MAGI2: variants seen among roughly 807,000 people sequenced by gnomAD.
MAGI2 encodes the protein membrane associated guanylate kinase, WW and PDZ domain containing 2.
MAGI2 carries 35 observed loss-of-function variants against 133.3 expected under a neutral mutation model. The observed-to-expected ratio is 0.26, with a 90% CI of 0.20 to 0.35. The LOEUF (loss-of-function observed/expected upper bound fraction) is 0.35. Ranked by LOEUF, MAGI2 falls within the 10% of genes least tolerant of loss-of-function variation. The pLI is 1.00. For synonymous variants in MAGI2, 729 were observed against 710.6 expected, an observed-to-expected ratio of 1.03 and a Z score of -0.41; for missense variants, 1,636 against 1,863.4, an observed-to-expected ratio of 0.88 and a Z score of 2.25.
Position 79,268,599 on chromosome 7 carries a change from A to T in MAGI2, c.301+184421T>A, listed in dbSNP as rs150074746. ...TGATTTTTAATTTGGGATTTTTTAA[A>T]GTTTTAAATAGAAACCGCAGACTGA... On this transcript the variant is annotated intron_variant, in intron 1 of 21. Transcript: ENST00000354212. Among the ~76,000 whole-genome samples the T allele has an allele frequency of 1.2e-3, 185 of 152,342 alleles. 1 individual carries two copies. The highest frequency in any genetic ancestry group is 4.4e-3 in the African/African-American group (184 of 41,578).
At chr7:79,343,074 C>T (rs73156041) in intron 1 of MAGI2, among the ~76,000 whole-genome samples, 22,737 of 152,008 alleles carry the variant, frequency 0.15, 1,793 homozygotes, top group South Asian at 0.26. Flanking sequence ...TGAGGAAGCA[C>T]ATTTTTACAT....
At chr7:79,232,429 C>G (rs1302535048) in intron 1 of MAGI2, among the ~76,000 whole-genome samples, 1 of 145,168 alleles carries the variant, frequency 6.9e-6, no homozygotes, top group African/African-American at 2.6e-5. Flanking sequence ...GTCCTGGACT[C>G]TTTTTGGTTG....
chr7:78,414,625 C>T (rs1417911188), intron 6 of MAGI2, among the ~76,000 whole-genome samples: 1 of 151,978 alleles, frequency 6.6e-6, no homozygotes, highest in Non-Finnish European at 1.5e-5. Flanking sequence ...CTGTTGTACA[C>T]ATACATGAGC....
At chr7:78,689,682 C>CTTTTTTTTTTTTTTTTTTTTT (rs200333526) in intron 2 of MAGI2, among the ~76,000 whole-genome samples, 13 of 92,020 alleles carry the variant, frequency 1.4e-4, no homozygotes, top group East Asian at 3.8e-4. Context: ...TTGGATCTGG[C>CTTTTTTTTTTTTTTTTTTTTT]TTTTTTTTTT....
rs1016328222 is a variant in MAGI2, at chr7:78,160,036, C to T, written c.2834G>A (p.Gly945Glu). ...IISSLNRPESGSTITVPHKIG... is the reference protein window; with the variant it reads ...IISSLNRPESESTITVPHKIG... The stretch of plus-strand genomic sequence containing the variant: ...ATTTCAGCACTTACTTATAGTGGAT[C>T]CAGACTCAGGCCTGTTCAGGGAGCT... The change falls in exon 16 of 22, where the codon GGA becomes GAA. Residue 945 changes from glycine (G) to glutamate (E), a missense_variant. Gly to Glu is a moderately conservative substitution (Grantham distance 98). This residue lies in a region of MAGI2 where 920 missense variants were observed against 1,093.5 expected (regional missense o/e 0.84). Coordinates refer to ENST00000354212, the MANE Select transcript of MAGI2 (RefSeq NM_012301.4). 1.3e-5 allele frequency: 21 copies of T among 1,569,678 alleles called. No individual in the cohort carries two copies. The highest frequency in any genetic ancestry group is 3.6e-5 in the Admixed American group (2 of 54,988).
At chr7:78,829,768 T>C (rs937886711) in intron 2 of MAGI2, among the ~76,000 whole-genome samples, 1 of 152,136 alleles carries the variant, frequency 6.6e-6, no homozygotes, top group Non-Finnish European at 1.5e-5. Context: ...TTCAAAAATA[T>C]ATATCCAAAA....
At chr7:79,411,252 A>G (rs1204945274) in intron 1 of MAGI2, 3 of 152,068 alleles carry the variant, frequency 2.0e-5, no homozygotes, top group African/African-American at 4.8e-5. Context: ...AATCTCCAAA[A>G]TTTGTGAACG....
intron 6 of MAGI2, among the ~76,000 whole-genome samples, chr7:78,445,266 T>A (rs1378010858): frequency 1.3e-5 from 2 of 152,064 alleles, no homozygotes; most frequent in Non-Finnish European, 2.9e-5. Context: ...TTTTTAAAAA[T>A]TTTAAATTAT....
chr7:78,247,908 T>TA (rs1438262336), intron 10 of MAGI2, among the ~76,000 whole-genome samples: 1 of 152,152 alleles, frequency 6.6e-6, no homozygotes, highest in African/African-American at 2.4e-5. Context: ...TCTGTAATTA[T>TA]AAAATAGTTG....
intron 2 of MAGI2, among the ~76,000 whole-genome samples, chr7:78,908,377 G>A (rs1181680832): frequency 6.6e-6 from 1 of 152,152 alleles, no homozygotes; most frequent in Non-Finnish European, 1.5e-5. Flanking sequence ...ACAGTTGACA[G>A]TAATTCTTAA....
chr7:78,108,911 G>T (rs954207196), intron 20 of MAGI2, among the ~76,000 whole-genome samples: 1 of 151,260 alleles, frequency 6.6e-6, no homozygotes. Flanking sequence ...TATATACATC[G>T]TGTGTGTCCT....
At chr7:79,380,929 A>G (rs1478314680) in intron 1 of MAGI2, among the ~76,000 whole-genome samples, 3 of 151,792 alleles carry the variant, frequency 2.0e-5, no homozygotes, top group East Asian at 1.9e-4. Flanking sequence ...CACACTTGGT[A>G]TGTAATTTTT....
At chr7:78,261,738 A>C (rs1319877756) in intron 9 of MAGI2, among the ~76,000 whole-genome samples, 9 of 152,188 alleles carry the variant, frequency 5.9e-5, no homozygotes, top group African/African-American at 2.2e-4. Flanking sequence ...TACATTAAAA[A>C]GGATTATTTT....
At chr7:79,394,066 T>C (rs1046992225) in intron 1 of MAGI2, among the ~76,000 whole-genome samples, 1 of 152,004 alleles carries the variant, frequency 6.6e-6, no homozygotes, top group African/African-American at 2.4e-5. Context: ...TGTACAAGAG[T>C]TCTTCTAAGA....
chr7:78,473,506 C>T (rs1314934169), intron 6 of MAGI2, among the ~76,000 whole-genome samples: 1 of 152,088 alleles, frequency 6.6e-6, no homozygotes. Flanking sequence ...TAACCTTCCT[C>T]CAAGTAAATC....
intron 20 of MAGI2, among the ~76,000 whole-genome samples, chr7:78,084,819 C>G (rs1218067046): frequency 6.6e-6 from 1 of 152,226 alleles, no homozygotes; most frequent in Non-Finnish European, 1.5e-5. Flanking sequence ...GAACAAAGGA[C>G]AGGCTGATTT....
At chr7:78,069,491 GTGTGTA>G (rs1814224434) in intron 21 of MAGI2, among the ~76,000 whole-genome samples, 2 of 107,088 alleles carry the variant, frequency 1.9e-5, no homozygotes, top group African/African-American at 5.9e-5. Flanking sequence ...GTATGTGTAT[GTGTGTA>G]TGTGTGTGTG....
intron 2 of MAGI2, among the ~76,000 whole-genome samples, chr7:78,740,996 A>G (rs1822364729): frequency 1.3e-5 from 2 of 152,236 alleles, no homozygotes; most frequent in Non-Finnish European, 2.9e-5. Context: ...TCAACATCGA[A>G]AAAAGTGTAG....
chr7:78,682,465 C>T (rs1815790518), intron 2 of MAGI2, among the ~76,000 whole-genome samples: 1 of 152,070 alleles, frequency 6.6e-6, no homozygotes, highest in South Asian at 2.1e-4. Context: ...TGAGTGAGAA[C>T]ATGCGGTGTT....
Sources: allele counts gnomAD v4.1 joint callset (sites outside exome capture counted in the v4.1 genomes callset), GRCh38; gene constraint gnomAD v4.1.1; regional missense constraint gnomAD v4.1.1; transcripts MANE v1.5; gene names NCBI Gene and HGNC (gene_info 2026-07-23, HGNC 2026-07-21).